Variants in PRR22 observed in about 807,000 individuals in gnomAD.
PRR22 encodes proline rich 22, also known as proline-rich protein 22.
A neutral mutation model predicts 7.2 loss-of-function variants in PRR22; 5 were observed. That is an observed-to-expected ratio of 0.69 (90% CI 0.36 to 1.45). The LOEUF is 1.45. Among genes scored for constraint, PRR22 ranks in the 40% most tolerant of loss-of-function variants. The probability of loss-of-function intolerance (pLI) is 0.03; values close to 1 mark genes in which losing one functional copy is unlikely to be tolerated. For missense variants in PRR22, 619 were observed against 568.8 expected (o/e 1.09, Z -0.90); for synonymous variants, 319 against 269.3 (o/e 1.18, Z -1.81).
Position 5,783,598 on chromosome 19 carries a change from G to C in PRR22, c.649C>G (p.His217Asp). ...TCGGGCCCAGGGAAGTGGCCGAGGT[G>C]ACCCTGGAGGTGGCTGTAGGCGTCT... ...PPDAYSHLQG[H>D]LGHFPGPEPL... The change falls in exon 3 of 3, where the codon CAC (histidine) becomes GAC (aspartate). Residue 217 changes from histidine to aspartate, a missense_variant. Coordinates refer to ENST00000419421, the MANE Select transcript of PRR22 (RefSeq NM_001134316.2). The C allele has an allele frequency of 2.5e-6, 4 of 1,603,976 alleles. No individual in the cohort carries two copies. Among genetic ancestry groups the C allele is most frequent in the Non-Finnish European group, 3.4e-6 (4 of 1,176,274 alleles).
In PRR22 at chr19:5,784,446, A is replaced by G; in HGVS notation, c.131-7T>C. On this transcript the variant is annotated splice_region_variant and splice_polypyrimidine_tract_variant and intron_variant, in intron 1 of 2. Coordinates refer to ENST00000419421, the MANE Select transcript of PRR22 (RefSeq NM_001134316.2). Reference sequence around the variant, plus strand: ...TGATACAGGTTCAAGGAGCCTGTGGACAAAGGTGCCCAGGTGGGTAGGGCC... The same window carrying G: ...TGATACAGGTTCAAGGAGCCTGTGGGCAAAGGTGCCCAGGTGGGTAGGGCC... The G allele has an allele frequency of 6.4e-7, 1 of 1,555,928 alleles. No homozygotes were observed. Among genetic ancestry groups the G allele is most frequent in the Non-Finnish European group, 8.7e-7 (1 of 1,149,450 alleles).
chr19:5,784,040 G>A lies in PRR22; in HGVS notation c.207C>T (p.Ala69=), dbSNP rs1406247519. The A allele has an allele frequency of 1.2e-6, 2 of 1,611,570 alleles. No homozygotes were observed. Among genetic ancestry groups the A allele is most frequent in the Non-Finnish European group, 1.7e-6 (2 of 1,179,396 alleles). The change falls in exon 3 of 3, where the codon GCC becomes GCT. Residue 69 remains alanine, a synonymous_variant. Transcript: ENST00000419421. Reference sequence around the variant, plus strand: ...GGGGGTCGAAGAAGCACCCGCATGGGGCCATCTGGAAACCTGTGGGCGGCA... The same window carrying A: ...GGGGGTCGAAGAAGCACCCGCATGGAGCCATCTGGAAACCTGTGGGCGGCA... The part of the protein sequence containing the change: ...FPAPPAGFQM[A]PCGCFFDPRI...
Position 5,784,741 on chromosome 19 carries a change from G to C in PRR22, c.-81C>G. 1 of 1,477,006 alleles carries C rather than the reference G, an allele frequency of 6.8e-7. No individual in the cohort carries two copies. Among genetic ancestry groups the C allele is most frequent in the Non-Finnish European group, 9.0e-7 (1 of 1,112,258 alleles). 91.5% of individuals were successfully genotyped at this position (1,477,006 alleles called of 1,614,324 possible). Reference sequence around the variant, plus strand: ...GTGGCCCAACCGGAGAACAGGCTGAGAACCTGGTGGGGTTCTGTTTGCCTG... The same window carrying C: ...GTGGCCCAACCGGAGAACAGGCTGACAACCTGGTGGGGTTCTGTTTGCCTG... On this transcript the variant is annotated 5_prime_UTR_variant, in exon 1 of 3. Transcript: ENST00000419421.
rs1347841768 is a variant in PRR22, at chr19:5,784,533, A to G, written c.128T>C (p.Met43Thr). 1.3e-6 allele frequency: 2 copies of G among 1,550,044 alleles called. No homozygotes were observed. Among genetic ancestry groups the G allele is most frequent in the African/African-American group, 1.4e-5 (1 of 73,060 alleles). ...TGCTCCCACCCACCCGATCGTACCC[A>G]TAGCGGGAGGAGGCTCGGCACAGGT... ...APTCAEPPPA[M>T]GSLNLYHPPD... Residue 43 changes from methionine (M) to threonine (T), a missense_variant and splice_region_variant, in exon 1 of 3, where the codon ATG becomes ACG. Met to Thr is a moderately conservative substitution (Grantham distance 81). Transcript: ENST00000419421.
chr19:5,783,634 T>G lies in PRR22; in HGVS notation c.613A>C (p.Thr205Pro). Residue 205 changes from threonine to proline, a missense_variant, in exon 3 of 3, where the codon ACA becomes CCA. Coordinates refer to ENST00000419421, the MANE Select transcript of PRR22 (RefSeq NM_001134316.2). The stretch of plus-strand genomic sequence containing the variant: ...TGGCTGTAGGCGTCTGGGGGCAGTG[T>G]GGGCTCTGCAGGCAGCGTGATGAGT... ...PVLITLPAEPTLPPDAYSHLQ... is the reference protein window; with the variant it reads ...PVLITLPAEPPLPPDAYSHLQ... 7.0e-7 allele frequency: 1 copy of G among 1,435,048 alleles called. No individual in the cohort carries two copies. Among genetic ancestry groups the G allele is most frequent in the Non-Finnish European group, 9.3e-7 (1 of 1,070,582 alleles). The allele number at this position is 1,435,048 out of a possible 1,614,324, so 88.9% of individuals were successfully genotyped here. A position where few individuals can be genotyped will look rare whatever the true frequency, so the allele number is the denominator to read the frequency against.
rs1045898465 is a variant in PRR22, at chr19:5,784,014, C to CG, written c.232dup (p.Arg78ProfsTer19). 1.2e-5 allele frequency: 20 copies of CG among 1,610,522 alleles called. No individual in the cohort carries two copies. The highest frequency in any genetic ancestry group is 1.6e-5 in the Non-Finnish European group (19 of 1,178,878). On this transcript the variant is annotated frameshift_variant, in exon 3 of 3. Coordinates refer to ENST00000419421, the MANE Select transcript of PRR22 (RefSeq NM_001134316.2). LOFTEE classifies it low-confidence loss of function (END_TRUNC). ...GGTGGTCCACTCGATCCGATAGATG[C>CG]GGGGGTCGAAGAAGCACCCGCATGG...
At chr19:5,784,280 C>A (rs1399054612) in intron 2 of PRR22, 97 bp downstream of exon 2, 3 of 1,320,216 alleles carry the variant, frequency 2.3e-6, no homozygotes, top group African/African-American at 1.5e-5. Flanking sequence ...AGAGGCCATG[C>A]CTTCAGGCTC....
At chr19:5,784,100 GC>G (rs2056817574) in intron 2 of PRR22, 47 bp from the exon 3 acceptor site, 2 of 1,557,106 alleles carry the variant, frequency 1.3e-6, no homozygotes, top group Admixed American at 1.7e-5. Context: ...TGCCTGAGGG[GC>G]CCAGCCCAAG....
Position 5,783,958 on chromosome 19 carries a change from G to T in PRR22, c.289C>A (p.Leu97Met). The T allele has an allele frequency of 1.9e-6, 3 of 1,602,476 alleles. No homozygotes were observed. The highest frequency in any genetic ancestry group is 2.6e-6 in the Non-Finnish European group (3 of 1,175,254). ...GCTGGCCCCCCGCTGCTTGCTGCCA[G>T]CTTATACAGGGCTGACTGGCCCAGG... is the stretch of plus-strand genomic sequence containing the variant. ...PDLGQSALYK[L>M]AASSGGPAGV... The change falls in exon 3 of 3, where the codon CTG becomes ATG. Residue 97 changes from leucine to methionine, a missense_variant. Leu to Met is a conservative substitution (Grantham distance 15). Transcript: ENST00000419421.
chr19:5,783,764 C>G lies in PRR22; in HGVS notation c.483G>C (p.Gly161=), dbSNP rs757676760. The change falls in exon 3 of 3, where the codon GGG becomes GGC. Residue 161 remains glycine (G), a synonymous_variant. Coordinates refer to ENST00000419421, the MANE Select transcript of PRR22 (RefSeq NM_001134316.2). The part of the protein sequence containing the change: ...GPGPEALGFV[G]DAGPAAFVEL... Reference sequence around the variant, plus strand: ...CCACGAAGGCGGCGGGCCCTGCGTCCCCCACAAAACCCAGAGCCTCTGGCC... The same window carrying G: ...CCACGAAGGCGGCGGGCCCTGCGTCGCCCACAAAACCCAGAGCCTCTGGCC... 3.3e-4 allele frequency: 491 copies of G among 1,484,808 alleles called. No individual in the cohort carries two copies. The highest frequency in any genetic ancestry group is 2.2e-3 in the Middle Eastern group (12 of 5,572). The allele number at this position is 1,484,808 out of a possible 1,614,324, so 92.0% of individuals were successfully genotyped here.
Position 5,783,309 on chromosome 19 carries a change from G to A in PRR22, c.938C>T (p.Ala313Val). ...GTTCCCACCACTGCTGTCAGGCAGG[G>A]CCGGCCCAGGGACCTCGCACAGGGT... ...EGTLCEVPGP[A>V]LPDSSGGNSA... Residue 313 changes from alanine to valine, a missense_variant, in exon 3 of 3, where the codon GCC (alanine) becomes GTC (valine). Ala to Val is a moderately conservative substitution (Grantham distance 64). Transcript: ENST00000419421. 1 of 1,612,806 alleles carries A rather than the reference G, an allele frequency of 6.2e-7. No homozygotes were observed. The highest frequency in any genetic ancestry group is 8.5e-7 in the Non-Finnish European group (1 of 1,179,964).
Position 5,783,743 on chromosome 19 carries a change from G to A in PRR22, c.504C>T (p.Phe168=), listed in dbSNP as rs766200255. ...CTAGGGGCGGTAGGGGCAGCTCCAC[G>A]AAGGCGGCGGGCCCTGCGTCCCCCA... is the stretch of plus-strand genomic sequence containing the variant. ...GFVGDAGPAA[F]VELPLPPLEE... Residue 168 remains phenylalanine, a synonymous_variant, in exon 3 of 3, where the codon TTC becomes TTT. Transcript: ENST00000419421. 25 of 1,495,960 alleles carry A rather than the reference G, an allele frequency of 1.7e-5. No individual in the cohort carries two copies. The highest frequency in any genetic ancestry group is 5.4e-5 in the South Asian group (4 of 73,896). The allele number at this position is 1,495,960 out of a possible 1,614,324, so 92.7% of individuals were successfully genotyped here. A position where few individuals can be genotyped will look rare whatever the true frequency, so the allele number is the denominator to read the frequency against.
rs1417581642 is a variant in PRR22 at position 5,784,478 on chromosome 19, C to T, written c.131-39G>A. The T allele has an allele frequency of 3.2e-6, 5 of 1,549,892 alleles. No homozygotes were observed. In the African/African-American group the frequency reaches 4.1e-5, roughly 13 times the overall value. Reference sequence around the variant, plus strand: ...TGCCCAGGTGGGTAGGGCCCTTAGGCGGGTGGGCCCCTGAACCCTCTCCAG... The same window carrying T: ...TGCCCAGGTGGGTAGGGCCCTTAGGTGGGTGGGCCCCTGAACCCTCTCCAG... On this transcript the variant is annotated intron_variant, in intron 1 of 2. Coordinates refer to ENST00000419421, the MANE Select transcript of PRR22 (RefSeq NM_001134316.2).
In PRR22 at chr19:5,784,455, C is replaced by T; in HGVS notation, c.131-16G>A. On this transcript the variant is annotated splice_polypyrimidine_tract_variant and intron_variant, in intron 1 of 2. Transcript: ENST00000419421. Reference sequence around the variant, plus strand: ...TTCAAGGAGCCTGTGGACAAAGGTGCCCAGGTGGGTAGGGCCCTTAGGCGG... The same window carrying T: ...TTCAAGGAGCCTGTGGACAAAGGTGTCCAGGTGGGTAGGGCCCTTAGGCGG... The T allele has an allele frequency of 6.4e-7, 1 of 1,553,564 alleles. No individual in the cohort carries two copies. Among genetic ancestry groups the T allele is most frequent in the Non-Finnish European group, 8.7e-7 (1 of 1,148,098 alleles).
At chr19:5,784,302 C>T (rs1008374410) in intron 2 of PRR22, 75 bp downstream of exon 2, 9 of 1,497,096 alleles carry the variant, frequency 6.0e-6, no homozygotes, top group South Asian at 2.4e-5. Flanking sequence ...CACTTAGGGA[C>T]GGGGCAGGGG....
In PRR22 at chr19:5,784,370, C is replaced by T; in HGVS notation, c.193+7G>A. 6.2e-7 allele frequency: 1 copy of T among 1,609,820 alleles called. No homozygotes were observed. The highest frequency in any genetic ancestry group is 8.5e-7 in the Non-Finnish European group (1 of 1,178,304). Reference sequence around the variant, plus strand: ...AGCCTCGTCAAGGGCTCAGGGGAGGCCGGTACCTGCTGGTGGGGCTGGAAA... The same window carrying T: ...AGCCTCGTCAAGGGCTCAGGGGAGGTCGGTACCTGCTGGTGGGGCTGGAAA... On this transcript the variant is annotated splice_region_variant and intron_variant, in intron 2 of 2. Transcript: ENST00000419421.
In PRR22 at chr19:5,783,083, C is replaced by T. The variant is rs368152890; in HGVS notation, c.1164G>A (p.Ser388=). The T allele has an allele frequency of 9.3e-6, 15 of 1,606,064 alleles. No individual in the cohort carries two copies. The highest frequency in any genetic ancestry group is 8.9e-5 in the East Asian group (4 of 44,740). ...TTCCCGGCTTTCCCTTCTTGGCCGT[C>T]GAGGCCTTTCTCTTGCCAGACAGAA... ...APILSGKRKA[S]TAKKGKPGRK... is the part of the protein sequence containing the mutation. The change falls in exon 3 of 3, where the codon TCG becomes TCA. Residue 388 remains serine (S), a synonymous_variant. Transcript: ENST00000419421.
At position 5,784,316 on chromosome 19, in the gene PRR22, G is replaced by A. The variant is rs756750288; in HGVS notation, c.193+61C>T. 3.9e-6 allele frequency: 6 copies of A among 1,554,914 alleles called. No individual in the cohort carries two copies. The African/African-American group carries it at 5.4e-5, about 14-fold the overall frequency. On this transcript the variant is annotated intron_variant, in intron 2 of 2. Transcript: ENST00000419421. ...CCACTTAGGGACGGGGCAGGGGCAA[G>A]ATGGGCCTGCACACTCAAACCCACT...
In PRR22 at chr19:5,783,423, G is replaced by A; in HGVS notation, c.824C>T (p.Ala275Val). The change falls in exon 3 of 3, where the codon GCC becomes GTC. Residue 275 changes from alanine (A) to valine (V), a missense_variant. Ala to Val is a moderately conservative substitution (Grantham distance 64). Coordinates refer to ENST00000419421, the MANE Select transcript of PRR22 (RefSeq NM_001134316.2). ...GAGKAKAPKT[A>V]RALALPDKVL... Reference sequence around the variant, plus strand: ...CTTGTCAGGCAGTGCCAAAGCTCTGGCCGTCTTGGGGGCCTTGGCCTTGCC... The same window carrying A: ...CTTGTCAGGCAGTGCCAAAGCTCTGACCGTCTTGGGGGCCTTGGCCTTGCC... The A allele has an allele frequency of 6.2e-7, 1 of 1,612,312 alleles. No homozygotes were observed. Among genetic ancestry groups the A allele is most frequent in the Non-Finnish European group, 8.5e-7 (1 of 1,179,824 alleles).
Sources: allele counts gnomAD v4.1 joint callset, GRCh38; gene constraint gnomAD v4.1.1; transcripts MANE v1.5; gene names NCBI Gene and HGNC (gene_info 2026-07-23, HGNC 2026-07-21).